MYO7A: variants seen among roughly 807,000 people sequenced by gnomAD.
The protein encoded by MYO7A is unconventional myosin-VIIa.
MYO7A carries 210 observed loss-of-function variants against 263.8 expected under a neutral mutation model. The observed-to-expected ratio is 0.80, with a 90% CI of 0.71 to 0.89. MYO7A has a LOEUF of 0.89. Ranked by LOEUF, MYO7A falls within the 40% of genes least tolerant of loss-of-function variation. The pLI is 0.00. For synonymous variants in MYO7A, 1,239 were observed against 1,197.3 expected, an observed-to-expected ratio of 1.03 and a Z score of -0.72; for missense variants, 2,820 against 2,968.3, an observed-to-expected ratio of 0.95 and a Z score of 1.16.
At chr11:77,156,129 G>A in intron 5 of MYO7A, 38 bp downstream of exon 5, 1 of 1,604,398 alleles carries the variant, frequency 6.2e-7, no homozygotes, top group Non-Finnish European at 8.5e-7. Flanking sequence ...TCCAGGCTTA[G>A]GACCTAGAGC....
At chr11:77,204,341 C>G (rs539527170) in intron 39 of MYO7A, 112 bp downstream of exon 39, 1 of 1,421,586 alleles carries the variant, frequency 7.0e-7, no homozygotes, top group Non-Finnish European at 9.5e-7. Flanking sequence ...CTTCCTCACA[C>G]AGAGCCGGGA....
chr11:77,149,290 G>T (rs374059489), intron 4 of MYO7A, among the ~76,000 whole-genome samples: 1 of 152,204 alleles, frequency 6.6e-6, no homozygotes, highest in Non-Finnish European at 1.5e-5. Flanking sequence ...AGGGAAGGCT[G>T]GTACTAGGGG....
At chr11:77,191,923 G>T in intron 30 of MYO7A, 128 bp from the exon 31 acceptor site, 1 of 741,276 alleles carries the variant, frequency 1.3e-6, no homozygotes, top group Non-Finnish European at 2.2e-6. Context: ...GCCTCCTGGG[G>T]GCCTTGGACG....
At chr11:77,165,421 C>T (rs1000904859) in intron 14 of MYO7A, among the ~76,000 whole-genome samples, 2 of 152,214 alleles carry the variant, frequency 1.3e-5, no homozygotes, top group African/African-American at 2.4e-5. Context: ...TCTCCCTAGG[C>T]TCCTGGGGAT....
chr11:77,200,278 AAAAAG>A (rs1415171925), intron 35 of MYO7A, among the ~76,000 whole-genome samples: 3 of 152,086 alleles, frequency 2.0e-5, no homozygotes, highest in East Asian at 1.9e-4. Flanking sequence ...CTTAAAAAAA[AAAAAG>A]AAAAGAAACA....
chr11:77,163,062 G>A, intron 14 of MYO7A, 74 bp downstream of exon 14: 1 of 1,524,314 alleles, frequency 6.6e-7, no homozygotes, highest in Non-Finnish European at 8.9e-7. Context: ...CCAGGAATAA[G>A]ATATCCGGAA....
chr11:77,160,340 GA>G lies in MYO7A; in HGVS notation c.1200+59del, dbSNP rs1315852423. 3.9e-6 allele frequency: 6 copies of G among 1,526,052 alleles called. No individual in the cohort carries two copies. The African/African-American group carries it at 8.2e-5, about 21-fold the overall frequency. 94.5% of individuals were successfully genotyped at this position (1,526,052 alleles called of 1,614,324 possible). On this transcript the variant is annotated intron_variant, in intron 11 of 48. Transcript: ENST00000409709. ...CTACCCCTTGGGAAGTTGGGCTCTT[GA>G]TGGGCAGGTGCCAAGGAGTCCTGGG...
chr11:77,137,953 C>A (rs1350834066), intron 2 of MYO7A, among the ~76,000 whole-genome samples: 2 of 152,182 alleles, frequency 1.3e-5, no homozygotes, highest in African/African-American at 4.8e-5. Flanking sequence ...GCGTTCTAGT[C>A]CATAACATCC....
rs1954879093 is a variant in MYO7A at position 77,178,551 on chromosome 11, C to T, written c.2283-494C>T. On this transcript the variant is annotated intron_variant, in intron 19 of 48. Transcript: ENST00000409709. ...TTATTTATTTCTACATTCAGCAGAC[C>T]CCTGCTGTCTGTGCATGGTCTCTGT... Among the ~76,000 whole-genome samples the T allele has an allele frequency of 2.0e-5, 3 of 152,136 alleles. 1 individual carries two copies. The South Asian group carries it at 6.2e-4, about 32-fold the overall frequency.
chr11:77,154,872 C>G (rs1952298692), intron 4 of MYO7A, among the ~76,000 whole-genome samples: 1 of 151,994 alleles, frequency 6.6e-6, no homozygotes. Flanking sequence ...GGCATTTCCC[C>G]TGGCATGCGG....
intron 27 of MYO7A, among the ~76,000 whole-genome samples, chr11:77,189,064 G>A (rs1281467133): frequency 6.6e-6 from 1 of 152,194 alleles, no homozygotes; most frequent in Non-Finnish European, 1.5e-5. Flanking sequence ...CGGCTGCTGA[G>A]CCCAGAGCAG....
At chr11:77,213,705 G>C (rs981761230) in intron 47 of MYO7A, among the ~76,000 whole-genome samples, 155 bp from the exon 48 acceptor site, 1 of 152,106 alleles carries the variant, frequency 6.6e-6, no homozygotes, top group African/African-American at 2.4e-5. Flanking sequence ...GGAGGGGGAG[G>C]CACCTGCTTC....
chr11:77,189,167 C>G (rs1235165835), intron 27 of MYO7A, among the ~76,000 whole-genome samples, 177 bp from the exon 28 acceptor site: 1 of 152,162 alleles, frequency 6.6e-6, no homozygotes, highest in East Asian at 1.9e-4. Context: ...GTCTCCAAAG[C>G]CAGACCCCAG....
At chr11:77,158,172 T>A in intron 8 of MYO7A, 105 bp from the exon 9 acceptor site, 1 of 1,345,808 alleles carries the variant, frequency 7.4e-7, no homozygotes, top group Middle Eastern at 2.6e-4. Context: ...CGGGCTGGCC[T>A]GGCCTGTCAG....
In MYO7A at chr11:77,189,450, C is replaced by A. The variant is rs1555090442; in HGVS notation, c.3610C>A (p.Pro1204Thr). The A allele has an allele frequency of 5.0e-6, 8 of 1,613,754 alleles. No homozygotes were observed. Among genetic ancestry groups the A allele is most frequent in the Admixed American group, 1.7e-5 (1 of 60,004 alleles). Residue 1204 changes from proline (P) to threonine (T), a missense_variant, in exon 28 of 49, where the codon CCC becomes ACC. Physicochemically the swap from Pro to Thr is conservative, Grantham distance 38. Transcript: ENST00000409709. ...LVSLCVGCFA[P>T]SEKFVKYLRN... ...GTCTCTCTGCGTGGGCTGTTTCGCC[C>A]CCTCCGAGAAGTTTGTCAAGGTAGG...
intron 31 of MYO7A, among the ~76,000 whole-genome samples, chr11:77,193,650 C>A (rs1956412459): frequency 6.6e-6 from 1 of 152,046 alleles, no homozygotes. Flanking sequence ...ACATCAGTTG[C>A]TAAAATTCTG....
At chr11:77,174,192 C>T (rs1954402272) in intron 16 of MYO7A, among the ~76,000 whole-genome samples, 1 of 152,210 alleles carries the variant, frequency 6.6e-6, no homozygotes, top group Non-Finnish European at 1.5e-5. Context: ...CCCAGCCCCT[C>T]CACCAACCAA....
rs371142158 is a variant in MYO7A at position 77,156,956 on chromosome 11, C to T, written c.687C>T (p.Gly229=). Residue 229 remains glycine, a synonymous_variant, in exon 7 of 49, where the codon GGC becomes GGT. Transcript: ENST00000409709. ...IHFNKRGAIE[G]AKIEQYLLEK... is the part of the protein sequence containing the mutation. ...TCAACAAGCGGGGCGCCATCGAGGGCGCGAAGATTGAGCAGTACCTGCTGG... is the reference window on the plus strand; with the variant it reads ...TCAACAAGCGGGGCGCCATCGAGGGTGCGAAGATTGAGCAGTACCTGCTGG... 741 of 1,613,826 alleles carry T rather than the reference C, an allele frequency of 4.6e-4. 1 individual carries two copies. The highest frequency in any genetic ancestry group is 5.9e-4 in the Non-Finnish European group (693 of 1,179,904).
chr11:77,162,927 C>G lies in MYO7A; in HGVS notation c.1629C>G (p.Asn543Lys). The stretch of plus-strand genomic sequence containing the variant: ...ACGCCAACTACATCCCCCCCAAGAA[C>G]AACCATGAGACCCAGTTTGGCATCA... The part of the protein sequence containing the change: ...KLNANYIPPK[N>K]NHETQFGINH... The change falls in exon 14 of 49, where the codon AAC becomes AAG. Residue 543 changes from asparagine to lysine, a missense_variant. Coordinates refer to ENST00000409709, the MANE Select transcript of MYO7A (RefSeq NM_000260.4). The G allele has an allele frequency of 3.1e-6, 5 of 1,613,918 alleles. No homozygotes were observed. Among genetic ancestry groups the G allele is most frequent in the Non-Finnish European group, 4.2e-6 (5 of 1,179,864 alleles).
Sources: allele counts gnomAD v4.1 joint callset (sites outside exome capture counted in the v4.1 genomes callset), GRCh38; gene constraint gnomAD v4.1.1; transcripts MANE v1.5; gene names NCBI Gene and HGNC (gene_info 2026-07-23, HGNC 2026-07-21).